Variants in FAM107B observed in about 807,000 individuals in gnomAD.
FAM107B encodes family with sequence similarity 107 member B.
In FAM107B, 21 loss-of-function variants were observed where a neutral mutation model predicts 31.5. The ratio of observed to expected loss-of-function variants is 0.67; its 90% CI spans 0.47 to 0.96. The LOEUF (loss-of-function observed/expected upper bound fraction) is 0.96. FAM107B is among the 40% of genes least tolerant of loss of function. The pLI is 0.00. For synonymous variants in FAM107B, 157 were observed against 141.5 expected (o/e 1.11, Z -0.78); for missense variants, 452 against 377.1 (o/e 1.20, Z -1.64).
intron 2 of FAM107B, among the ~76,000 whole-genome samples, chr10:14,657,572 T>G (rs940584029): frequency 6.6e-6 from 1 of 152,118 alleles, no homozygotes; most frequent in Non-Finnish European, 1.5e-5. Flanking sequence ...TCCACAGACT[T>G]AGCATGTGGA....
chr10:14,536,236 G>GA (rs1444421251), intron 2 of FAM107B, among the ~76,000 whole-genome samples: 1 of 152,196 alleles, frequency 6.6e-6, no homozygotes, highest in Non-Finnish European at 1.5e-5. Context: ...ACTAATACTT[G>GA]AATCCTTTCT....
chr10:14,594,824 T>C (rs1477441593), intron 2 of FAM107B, among the ~76,000 whole-genome samples: 1 of 152,188 alleles, frequency 6.6e-6, no homozygotes, highest in African/African-American at 2.4e-5. Flanking sequence ...ATATAACAAA[T>C]GCTCGGGAAA....
intron 1 of FAM107B, among the ~76,000 whole-genome samples, chr10:14,738,869 G>C (rs1252485051): frequency 6.6e-6 from 1 of 152,186 alleles, no homozygotes; most frequent in Non-Finnish European, 1.5e-5. Context: ...CCCCAAACCA[G>C]CAGTTTAAGG....
intron 1 of FAM107B, among the ~76,000 whole-genome samples, chr10:14,724,792 C>A (rs999283011): frequency 6.6e-5 from 10 of 152,150 alleles, no homozygotes; most frequent in Non-Finnish European, 4.4e-5. Flanking sequence ...CTCATCCACA[C>A]TGAAGAGTGA....
chr10:14,765,498 C>G (rs962528244), intron 1 of FAM107B, among the ~76,000 whole-genome samples: 2 of 152,174 alleles, frequency 1.3e-5, no homozygotes, highest in Non-Finnish European at 1.5e-5. Flanking sequence ...CATGCACGAT[C>G]ATGCCACTGT....
At chr10:14,725,442 C>A (rs1200238513) in intron 1 of FAM107B, among the ~76,000 whole-genome samples, 1 of 152,150 alleles carries the variant, frequency 6.6e-6, no homozygotes, top group Non-Finnish European at 1.5e-5. Flanking sequence ...TCAAATACGC[C>A]AGAGGCTGAG....
At chr10:14,595,995 G>A (rs774589690) in intron 2 of FAM107B, among the ~76,000 whole-genome samples, 2 of 152,164 alleles carry the variant, frequency 1.3e-5, no homozygotes, top group African/African-American at 4.8e-5. Context: ...ACTCTCCTGT[G>A]GCTTCCTCAT....
At chr10:14,591,809 T>C (rs145503923) in intron 2 of FAM107B, among the ~76,000 whole-genome samples, 2 of 152,270 alleles carry the variant, frequency 1.3e-5, no homozygotes, top group Non-Finnish European at 2.9e-5. Context: ...GATCAAGCTT[T>C]CATGATAACT....
chr10:14,682,723 A>G (rs934452980), intron 1 of FAM107B, among the ~76,000 whole-genome samples: 6 of 152,026 alleles, frequency 3.9e-5, no homozygotes, highest in African/African-American at 1.4e-4. Context: ...GGGGAACATC[A>G]CACAGCAGGG....
At chr10:14,636,901 T>C (rs535205019) in intron 2 of FAM107B, among the ~76,000 whole-genome samples, 1 of 152,274 alleles carries the variant, frequency 6.6e-6, no homozygotes, top group East Asian at 1.9e-4. Context: ...TTCCAAAGGA[T>C]TGTGGGCATA....
intron 2 of FAM107B, among the ~76,000 whole-genome samples, chr10:14,531,865 G>T (rs937743780): frequency 1.3e-5 from 2 of 152,002 alleles, no homozygotes; most frequent in African/African-American, 4.8e-5. Flanking sequence ...GAAAGGGAAT[G>T]AAACGTATAT....
At chr10:14,646,722 T>G (rs76473060) in intron 2 of FAM107B, among the ~76,000 whole-genome samples, 6,052 of 151,942 alleles carry the variant, frequency 0.04, 128 homozygotes, top group Middle Eastern at 0.058. Flanking sequence ...AGATCTACTC[T>G]TAGTTCCTTG....
At chr10:14,645,417 G>A (rs144748460) in intron 2 of FAM107B, among the ~76,000 whole-genome samples, 11 of 152,280 alleles carry the variant, frequency 7.2e-5, no homozygotes, top group South Asian at 2.1e-4. Flanking sequence ...TTAGGTTTCC[G>A]TTTCCCGTTC....
At chr10:14,545,066 T>C (rs763759729) in intron 2 of FAM107B, among the ~76,000 whole-genome samples, 42 of 152,288 alleles carry the variant, frequency 2.8e-4, no homozygotes, top group Non-Finnish European at 4.1e-4. Flanking sequence ...TGTTTTATCA[T>C]GTTTGCTAAG....
chr10:14,747,193 T>C (rs957122142), intron 1 of FAM107B, among the ~76,000 whole-genome samples: 22 of 152,224 alleles, frequency 1.4e-4, no homozygotes, highest in Non-Finnish European at 2.9e-5. Flanking sequence ...ACAGCTCCTG[T>C]AATATTTTAT....
At chr10:14,577,401 C>T (rs114168780) in intron 2 of FAM107B, among the ~76,000 whole-genome samples, 6 of 152,298 alleles carry the variant, frequency 3.9e-5, no homozygotes, top group East Asian at 1.9e-4. Context: ...CAAACTCTTC[C>T]GTTCACGGAA....
intron 2 of FAM107B, among the ~76,000 whole-genome samples, chr10:14,553,068 A>G (rs555546947): frequency 1.1e-3 from 172 of 152,334 alleles, no homozygotes; most frequent in African/African-American, 3.9e-3. Flanking sequence ...AATGGGAAAC[A>G]TTTAAACAGT....
chr10:14,567,930 C>T (rs957762265), intron 2 of FAM107B, among the ~76,000 whole-genome samples: 5 of 152,132 alleles, frequency 3.3e-5, no homozygotes, highest in African/African-American at 1.2e-4. Context: ...TGAACATCCC[C>T]ATCCCAAAAA....
intron 1 of FAM107B, among the ~76,000 whole-genome samples, chr10:14,693,176 T>C (rs1225892768): frequency 1.3e-5 from 2 of 152,220 alleles, no homozygotes; most frequent in East Asian, 3.8e-4. Context: ...ACTTTTATTG[T>C]ATATATTTAA....
Sources: gnomAD v4.1 joint callset for allele counts (sites outside exome capture counted in the v4.1 genomes callset) on GRCh38, gnomAD v4.1.1 for gene constraint, MANE v1.5 for transcripts, NCBI Gene and HGNC (gene_info 2026-07-23, HGNC 2026-07-21) for gene names.